The following CEP55 variants were observed in gnomAD, a reference collection of about 807,000 sequenced individuals.
CEP55 encodes the protein centrosomal protein 55.
CEP55 carries 57 observed loss-of-function variants against 63.2 expected under a neutral mutation model. The observed-to-expected ratio is 0.90, with a 90% CI of 0.73 to 1.13. The LOEUF is 1.13. CEP55 is among the 50% of genes most tolerant of loss of function. The pLI is 0.00. For synonymous variants in CEP55, 178 were observed against 191.6 expected (o/e 0.93, Z 0.59); for missense variants, 456 against 518.9 (o/e 0.88, Z 1.18).
At chr10:93,511,955 G>A (rs556401131) in intron 4 of CEP55, among the ~76,000 whole-genome samples, 184 of 151,836 alleles carry the variant, frequency 1.2e-3, no homozygotes, top group Admixed American at 2.6e-3. Flanking sequence ...TTGGGCTGGC[G>A]CAGTGGCTCA....
intron 1 of CEP55, among the ~76,000 whole-genome samples, chr10:93,499,529 T>C (rs1257932079): frequency 6.7e-6 from 1 of 149,652 alleles, no homozygotes; most frequent in Non-Finnish European, 1.5e-5. Flanking sequence ...TTTTTTTTTT[T>C]TTTTTTTTTT....
chr10:93,523,877 T>C (rs1173245378), intron 8 of CEP55, among the ~76,000 whole-genome samples: 2 of 152,262 alleles, frequency 1.3e-5, no homozygotes, highest in Non-Finnish European at 2.9e-5. Context: ...AATAAAGATG[T>C]TCTTTGAAAC....
chr10:93,506,774 A>T (rs1704150329), intron 3 of CEP55, among the ~76,000 whole-genome samples: 1 of 152,160 alleles, frequency 6.6e-6, no homozygotes. Flanking sequence ...GGTTTTCGCC[A>T]TGTTGGCCAG....
chr10:93,526,556 C>A (rs1432019504), intron 8 of CEP55, among the ~76,000 whole-genome samples: 2 of 152,142 alleles, frequency 1.3e-5, no homozygotes, highest in Non-Finnish European at 2.9e-5. Context: ...ACTAGAAATA[C>A]CATTTGACCC....
At chr10:93,525,785 C>T (rs1385609280) in intron 8 of CEP55, among the ~76,000 whole-genome samples, 10 of 152,022 alleles carry the variant, frequency 6.6e-5, no homozygotes, top group South Asian at 2.1e-4. Context: ...TAATGCCACA[C>T]ATCTACAACT....
chr10:93,500,568 T>C (rs1303843577), intron 2 of CEP55, among the ~76,000 whole-genome samples: 1 of 152,218 alleles, frequency 6.6e-6, no homozygotes, highest in East Asian at 1.9e-4. Context: ...TATGCTCTGT[T>C]TCTCAGTTAT....
At position 93,528,606 on chromosome 10, in the gene CEP55, G is replaced by A. The variant is rs1449850680; in HGVS notation, c.*453G>A. The A allele has an allele frequency of 6.1e-6, 1 of 164,632 alleles. No homozygotes were observed. The highest frequency in any genetic ancestry group is 2.4e-5 in the African/African-American group (1 of 41,500). 10.2% of individuals were successfully genotyped at this position (164,632 alleles called of 1,614,324 possible). ...TCCTAATTTTGATGTCCATTGTTAA[G>A]AGGTGGTGATAGATACTATTTTTTT... is the stretch of plus-strand genomic sequence containing the variant. On this transcript the variant is annotated 3_prime_UTR_variant, in exon 9 of 9. Coordinates refer to ENST00000371485, the MANE Select transcript of CEP55 (RefSeq NM_018131.5).
intron 1 of CEP55, among the ~76,000 whole-genome samples, chr10:93,498,531 T>C (rs1343714200): frequency 6.6e-6 from 1 of 152,188 alleles, no homozygotes; most frequent in Non-Finnish European, 1.5e-5. Context: ...CACCTTATAA[T>C]GGCAAAAATC....
chr10:93,504,541 C>A (rs899323154), intron 3 of CEP55, among the ~76,000 whole-genome samples: 3 of 151,604 alleles, frequency 2.0e-5, no homozygotes, highest in African/African-American at 7.3e-5. Flanking sequence ...TGTTAAGGAT[C>A]TTTCTCTGTA....
intron 5 of CEP55, among the ~76,000 whole-genome samples, chr10:93,516,169 A>C (rs1400018052): frequency 6.6e-6 from 1 of 152,242 alleles, no homozygotes; most frequent in African/African-American, 2.4e-5. Flanking sequence ...AAAAATGAGA[A>C]ACTCCATGCA....
chr10:93,505,622 T>C (rs73325407), intron 3 of CEP55, among the ~76,000 whole-genome samples: 1,931 of 152,318 alleles, frequency 0.013, 44 homozygotes, highest in African/African-American at 0.044. Context: ...TTAAAGTGAA[T>C]GAATAGAGCA....
At chr10:93,521,212 CT>C (rs1231733631) in intron 8 of CEP55, among the ~76,000 whole-genome samples, 2 of 152,250 alleles carry the variant, frequency 1.3e-5, no homozygotes, top group Admixed American at 1.3e-4. Context: ...AAAGGGGTGA[CT>C]GACGGCACCT....
At position 93,506,979 on chromosome 10, in the gene CEP55, T is replaced by A; in HGVS notation, c.460-9T>A. 6.5e-7 allele frequency: 1 copy of A among 1,544,044 alleles called. No homozygotes were observed. Among genetic ancestry groups the A allele is most frequent in the Non-Finnish European group, 9.0e-7 (1 of 1,116,236 alleles). ...TGTCTGATGTTAACTAATGTTGGAT[T>A]ATTTACAGACTGTGGCTCCAAACTG... is the stretch of plus-strand genomic sequence containing the variant. On this transcript the variant is annotated splice_polypyrimidine_tract_variant and intron_variant, in intron 3 of 8. Transcript: ENST00000371485.
intron 5 of CEP55, among the ~76,000 whole-genome samples, 164 bp from the exon 6 acceptor site, chr10:93,516,771 C>A (rs2057807535): frequency 6.6e-6 from 1 of 152,084 alleles, no homozygotes; most frequent in South Asian, 2.1e-4. Context: ...TATACCTGAA[C>A]TTGTTTTTTA....
Position 93,503,226 on chromosome 10 carries a change from A to T in CEP55, c.297A>T (p.Thr99=). The change falls in exon 3 of 9, where the codon ACA becomes ACT. Residue 99 remains threonine, a synonymous_variant. Coordinates refer to ENST00000371485, the MANE Select transcript of CEP55 (RefSeq NM_018131.5). ...TGAAGGCCAGATATAGTACTACCAC[A>T]TTGCTTGAACAGCTGGAAGAGACAA... is the stretch of plus-strand genomic sequence containing the variant. ...DQLKARYSTT[T]LLEQLEETTR... is the part of the protein sequence containing the mutation. 6.2e-7 allele frequency: 1 copy of T among 1,614,082 alleles called. No individual in the cohort carries two copies. Among genetic ancestry groups the T allele is most frequent in the Non-Finnish European group, 8.5e-7 (1 of 1,179,960 alleles).
intron 6 of CEP55, 128 bp downstream of exon 6, chr10:93,517,376 A>T: frequency 3.0e-6 from 2 of 665,718 alleles, no homozygotes; most frequent in South Asian, 2.4e-5. Context: ...GTTATATTCC[A>T]GAACAGAAAC....
intron 4 of CEP55, among the ~76,000 whole-genome samples, chr10:93,514,678 T>G (rs1207793554): frequency 2.6e-5 from 4 of 152,216 alleles, no homozygotes; most frequent in African/African-American, 9.6e-5. Context: ...CCAGCTCAGC[T>G]CAAAAGCTGA....
rs1564761540 is a variant in CEP55, at chr10:93,503,408, A to AC, written c.459+23dup. 6.3e-7 allele frequency: 1 copy of AC among 1,583,192 alleles called. No homozygotes were observed. The highest frequency in any genetic ancestry group is 1.4e-5 in the African/African-American group (1 of 73,280). On this transcript the variant is annotated intron_variant, in intron 3 of 8. Transcript: ENST00000371485. ...TCACAGGTGCTAATCATTTCTTTAA[A>AC]CCCAGATTTTTTTTTTCTTTCTGAT...
intron 2 of CEP55, among the ~76,000 whole-genome samples, chr10:93,502,040 A>G (rs908095481): frequency 6.6e-6 from 1 of 152,220 alleles, no homozygotes; most frequent in East Asian, 1.9e-4. Flanking sequence ...ATGCAAACTG[A>G]CAATTTATTA....
Sources: gnomAD v4.1 joint callset for allele counts (sites outside exome capture counted in the v4.1 genomes callset) on GRCh38, gnomAD v4.1.1 for gene constraint, MANE v1.5 for transcripts, NCBI Gene and HGNC (gene_info 2026-07-23, HGNC 2026-07-21) for gene names.